The following AP1S3 variants were observed in gnomAD, a reference collection of about 807,000 sequenced individuals.
AP1S3 encodes AP-1 complex subunit sigma-3.
AP1S3 carries 10 observed loss-of-function variants against 20.9 expected under a neutral mutation model. That is an observed-to-expected ratio of 0.48 (90% CI 0.29 to 0.81). The LOEUF is 0.81. Ranked by LOEUF, AP1S3 falls within the 30% of genes least tolerant of loss-of-function variation. The pLI is 0.08. For missense variants in AP1S3, 154 were observed against 183.8 expected, an observed-to-expected ratio of 0.84 and a Z score of 0.94; for synonymous variants, 41 against 61.5, an observed-to-expected ratio of 0.67 and a Z score of 1.56.
intron 1 of AP1S3, among the ~76,000 whole-genome samples, chr2:223,820,313 T>C (rs1691957242): frequency 6.6e-6 from 1 of 152,204 alleles, no homozygotes; most frequent in African/African-American, 2.4e-5. Context: ...TTAAATATAC[T>C]TAATGGCTTG....
At chr2:223,819,724 A>G (rs1222383489) in intron 1 of AP1S3, among the ~76,000 whole-genome samples, 1 of 152,146 alleles carries the variant, frequency 6.6e-6, no homozygotes, top group Admixed American at 6.6e-5. Context: ...TTCCATAGTC[A>G]AGATTATAGT....
intron 1 of AP1S3, among the ~76,000 whole-genome samples, chr2:223,801,772 C>G (rs1455150726): frequency 6.6e-6 from 1 of 152,062 alleles, no homozygotes; most frequent in East Asian, 1.9e-4. Flanking sequence ...AAAGCTCCCT[C>G]TGCCCCATCT....
Position 223,756,448 on chromosome 2 carries a change from GAAAA to G in AP1S3, c.*2263_*2266del, listed in dbSNP as rs753786738. ...GAGAAGAAGGAAGGAAGAAAGGAAGGAAAAGAAAGAAAGAAAGAAAAGAAAGAAA... is the reference window on the plus strand; with the variant it reads ...GAGAAGAAGGAAGGAAGAAAGGAAGGGAAAGAAAGAAAGAAAAGAAAGAAA... On this transcript the variant is annotated 3_prime_UTR_variant, in exon 5 of 5. Coordinates refer to ENST00000396654, the MANE Select transcript of AP1S3 (RefSeq NM_001039569.2). 2 of 803,220 alleles carry G rather than the reference GAAAA, an allele frequency of 2.5e-6. No homozygotes were observed. The highest frequency in any genetic ancestry group is 1.3e-4 in the Admixed American group (2 of 14,822). 49.8% of individuals were successfully genotyped at this position (803,220 alleles called of 1,614,324 possible). A position where few individuals can be genotyped will look rare whatever the true frequency, so the allele number is the denominator to read the frequency against.
intron 3 of AP1S3, among the ~76,000 whole-genome samples, chr2:223,770,727 A>ATTTTTTTT (rs764596538): frequency 3.5e-5 from 4 of 115,312 alleles, no homozygotes; most frequent in African/African-American, 3.6e-5. Flanking sequence ...AGACCAGTTC[A>ATTTTTTTT]TTTTTTTTTT....
intron 1 of AP1S3, among the ~76,000 whole-genome samples, chr2:223,828,091 A>AAAAAAAAAAAAAG (rs1692175535): frequency 7.7e-6 from 1 of 130,324 alleles, no homozygotes; most frequent in African/African-American, 3.1e-5. Flanking sequence ...AAAAAAAAAA[A>AAAAAAAAAAAAAG]AAGAAGAAGA....
intron 3 of AP1S3, among the ~76,000 whole-genome samples, chr2:223,768,978 T>C (rs1690546529): frequency 6.6e-6 from 1 of 152,232 alleles, no homozygotes; most frequent in Non-Finnish European, 1.5e-5. Context: ...GTCAATATTT[T>C]AGCAAATTCC....
intron 1 of AP1S3, among the ~76,000 whole-genome samples, chr2:223,780,349 AGAGAGAGAGTGT>A (rs1174474357): frequency 4.3e-4 from 30 of 69,788 alleles, no homozygotes; most frequent in East Asian, 4.3e-3. Context: ...AGAGAGAGAG[AGAGAGAGAGTGT>A]GTGTGTGTGT....
intron 1 of AP1S3, among the ~76,000 whole-genome samples, chr2:223,819,806 T>G (rs1691946077): frequency 6.6e-6 from 1 of 152,104 alleles, no homozygotes; most frequent in African/African-American, 2.4e-5. Context: ...ATAAACACAG[T>G]GATTATTGCA....
chr2:223,792,075 A>C (rs1050638503), intron 1 of AP1S3, among the ~76,000 whole-genome samples: 2 of 152,232 alleles, frequency 1.3e-5, no homozygotes, highest in Non-Finnish European at 1.5e-5. Flanking sequence ...CATATTGCAC[A>C]AAGCAATGTA....
At chr2:223,800,401 G>A (rs1319097805) in intron 1 of AP1S3, among the ~76,000 whole-genome samples, 3 of 151,834 alleles carry the variant, frequency 2.0e-5, no homozygotes, top group Non-Finnish European at 4.4e-5. Context: ...GCATGGTGAC[G>A]CACACTTGTA....
intron 1 of AP1S3, among the ~76,000 whole-genome samples, chr2:223,824,911 C>T (rs200144091): frequency 1.3e-5 from 2 of 152,082 alleles, no homozygotes; most frequent in South Asian, 2.1e-4. Flanking sequence ...AAAATTCACA[C>T]GTGAGAAATG....
At chr2:223,790,833 G>A (rs1691199991) in intron 1 of AP1S3, among the ~76,000 whole-genome samples, 1 of 152,076 alleles carries the variant, frequency 6.6e-6, no homozygotes, top group South Asian at 2.1e-4. Flanking sequence ...AATGATAAGA[G>A]GGATATCATC....
At position 223,819,438 on chromosome 2, in the gene AP1S3, C is replaced by T. The variant is rs61527078; in HGVS notation, c.3+18010G>A. Among the ~76,000 whole-genome samples, 478 of 152,146 alleles carry T rather than the reference C, an allele frequency of 3.1e-3. 2 individuals carry two copies. The highest frequency in any genetic ancestry group is 0.011 in the African/African-American group (446 of 41,516). On this transcript the variant is annotated intron_variant, in intron 1 of 4. Coordinates refer to ENST00000396654, the MANE Select transcript of AP1S3 (RefSeq NM_001039569.2). ...CTTCCACTTGCCAAATATTTTAATT[C>T]GTTCTTTTAAAATGCAGAAATCTAA... is the stretch of plus-strand genomic sequence containing the variant.
intron 3 of AP1S3, chr2:223,773,193 T>G: frequency 9.6e-5 from 97 of 1,006,786 alleles, no homozygotes; most frequent in Non-Finnish European, 1.2e-4. Context: ...TCAGATAGAT[T>G]GAGATCAAAA....
chr2:223,780,347 A>ATTGTGTGT (rs1690909327), intron 1 of AP1S3, among the ~76,000 whole-genome samples: 2 of 89,352 alleles, frequency 2.2e-5, no homozygotes, highest in Non-Finnish European at 4.2e-5. Context: ...AGAGAGAGAG[A>ATTGTGTGT]GAGAGAGAGA....
At chr2:223,759,703 G>T (rs1263117955) in intron 4 of AP1S3, among the ~76,000 whole-genome samples, 1 of 152,114 alleles carries the variant, frequency 6.6e-6, no homozygotes, top group Non-Finnish European at 1.5e-5. Context: ...TTATACAGAT[G>T]ATTTCATCAT....
chr2:223,818,895 C>T (rs532890637), intron 1 of AP1S3, among the ~76,000 whole-genome samples: 1 of 152,304 alleles, frequency 6.6e-6, no homozygotes, highest in South Asian at 2.1e-4. Context: ...CCTGAAGGAC[C>T]ACTGGCTGCT....
At position 223,832,076 on chromosome 2, in the gene AP1S3, C is replaced by CA. The variant is rs757369112; in HGVS notation, c.3+5371dup. On this transcript the variant is annotated intron_variant, in intron 1 of 4. Transcript: ENST00000396654. ...TGGGAGACAGAGTAAGACTCCGTCT[C>CA]AAAAAAAAAAAAATCAAAAAAAGGA... is the stretch of plus-strand genomic sequence containing the variant. Among the ~76,000 whole-genome samples, 59 of 69,192 alleles carry CA rather than the reference C, an allele frequency of 8.5e-4. 2 individuals carry two copies. The highest frequency in any genetic ancestry group is 2.9e-3 in the Admixed American group (15 of 5,116). The allele number at this position is 69,192 out of a possible 152,430, so 45.4% of individuals were successfully genotyped here. A position where few individuals can be genotyped will look rare whatever the true frequency, so the allele number is the denominator to read the frequency against.
Position 223,765,225 on chromosome 2 carries a change from A to AT in AP1S3, c.416dup (p.Asp139GlufsTer53). On this transcript the variant is annotated frameshift_variant, in exon 4 of 5. Coordinates refer to ENST00000396654, the MANE Select transcript of AP1S3 (RefSeq NM_001039569.2). LOFTEE classifies it high-confidence loss of function. Reference sequence around the variant, plus strand: ...AAACCGTACTGACCTCCTGTAACATATCAGAGTCTTCAATGGCTTTGACAG... The same window carrying AT: ...AAACCGTACTGACCTCCTGTAACATATTCAGAGTCTTCAATGGCTTTGACAG... The AT allele has an allele frequency of 6.2e-7, 1 of 1,614,032 alleles. No homozygotes were observed. Among genetic ancestry groups the AT allele is most frequent in the South Asian group, 1.1e-5 (1 of 91,048 alleles).
Sources: allele counts gnomAD v4.1 joint callset (sites outside exome capture counted in the v4.1 genomes callset), GRCh38; gene constraint gnomAD v4.1.1; transcripts MANE v1.5; gene names NCBI Gene and HGNC (gene_info 2026-07-23, HGNC 2026-07-21).